Variants in ZNF79 observed in about 807,000 individuals in gnomAD.
The protein encoded by ZNF79 is zinc finger protein 79.
A neutral mutation model predicts 14.9 loss-of-function variants in ZNF79; 13 were observed. That is an observed-to-expected ratio of 0.87 (90% CI 0.57 to 1.38). The LOEUF (loss-of-function observed/expected upper bound fraction) is 1.38, where lower values mean the gene tolerates loss of function less well. Ranked by LOEUF, ZNF79 falls within the 40% of genes most tolerant of loss-of-function variation. The pLI is 0.00. For missense variants in ZNF79, 631 were observed against 630.6 expected, an observed-to-expected ratio of 1.00 and a Z score of -0.01; for synonymous variants, 223 against 235.1, an observed-to-expected ratio of 0.95 and a Z score of 0.47.
intron 2 of ZNF79, among the ~76,000 whole-genome samples, chr9:127,432,151 ATT>A (rs34862357): frequency 3.2e-4 from 43 of 133,938 alleles, no homozygotes; most frequent in Non-Finnish European, 3.4e-4. Context: ...TTATTTTTAA[ATT>A]TTTTTTTTTT....
chr9:127,438,868 T>G (rs1256501108), intron 4 of ZNF79, among the ~76,000 whole-genome samples: 4 of 152,176 alleles, frequency 2.6e-5, no homozygotes, highest in Admixed American at 6.5e-5. Context: ...CCTAGCACTT[T>G]GGGAGGCCGA....
rs370477709 is a variant in ZNF79 at position 127,439,924 on chromosome 9, G to A, written c.328+3921G>A. 1.4e-4 allele frequency among the ~76,000 whole-genome samples: 21 copies of A among 152,144 alleles called. No individual in the cohort carries two copies. In the South Asian group the frequency reaches 1.5e-3, roughly 11 times the overall value. On this transcript the variant is annotated intron_variant, in intron 4 of 4. Transcript: ENST00000342483. ...GTCTCCCAGGCTGGAGTGCAGTGGCGCGATCTCAGTTCACTGCAAGCTCCA... is the reference window on the plus strand; with the variant it reads ...GTCTCCCAGGCTGGAGTGCAGTGGCACGATCTCAGTTCACTGCAAGCTCCA...
intron 2 of ZNF79, among the ~76,000 whole-genome samples, chr9:127,429,755 AC>A (rs968506756): frequency 1.3e-5 from 2 of 151,968 alleles, no homozygotes; most frequent in African/African-American, 4.8e-5. Flanking sequence ...TCTTAATCCC[AC>A]AAAAAGATGG....
intron 4 of ZNF79, among the ~76,000 whole-genome samples, chr9:127,443,472 A>G (rs962996520): frequency 6.6e-6 from 1 of 152,186 alleles, no homozygotes; most frequent in Non-Finnish European, 1.5e-5. Context: ...ATTAAGTATT[A>G]TGTGCTGTAC....
chr9:127,425,741 C>G (rs1407587543), intron 1 of ZNF79, among the ~76,000 whole-genome samples: 1 of 152,082 alleles, frequency 6.6e-6, no homozygotes, highest in Non-Finnish European at 1.5e-5. Flanking sequence ...TACAGGTGCC[C>G]GACACCAAGT....
chr9:127,444,106 C>G lies in ZNF79; in HGVS notation c.406C>G (p.Pro136Ala). ...ATTCCAAGACCCATGTGTAGAGATG[C>G]CCCCTGGGGATTCAGACCACGGGAC... is the stretch of plus-strand genomic sequence containing the variant. ...ASFQDPCVEM[P>A]PGDSDHGTSD... Residue 136 changes from proline to alanine, a missense_variant, in exon 5 of 5, where the codon CCC becomes GCC. Transcript: ENST00000342483. The G allele has an allele frequency of 6.8e-6, 11 of 1,612,700 alleles. No individual in the cohort carries two copies. The highest frequency in any genetic ancestry group is 9.3e-6 in the Non-Finnish European group (11 of 1,179,932).
In ZNF79 at chr9:127,424,691, C is replaced by A; in HGVS notation, c.-97C>A. On this transcript the variant is annotated 5_prime_UTR_variant, in exon 1 of 5. Coordinates refer to ENST00000342483, the MANE Select transcript of ZNF79 (RefSeq NM_007135.3). ...GAGAGGAAGAGTCCGGCCTGGGAGC[C>A]GTCAGAGCAGCCCTGCAGAACGGGG... 2.5e-6 allele frequency: 4 copies of A among 1,579,980 alleles called. No individual in the cohort carries two copies. Among genetic ancestry groups the A allele is most frequent in the Non-Finnish European group, 3.5e-6 (4 of 1,155,922 alleles).
chr9:127,430,792 A>G (rs1415487746), intron 2 of ZNF79, among the ~76,000 whole-genome samples: 1 of 152,236 alleles, frequency 6.6e-6, no homozygotes, highest in Non-Finnish European at 1.5e-5. Context: ...GTATTTACAC[A>G]GTAATGGGAT....
intron 2 of ZNF79, 72 bp downstream of exon 2, chr9:127,428,992 T>C (rs1833812078): frequency 2.9e-6 from 3 of 1,045,326 alleles, no homozygotes; most frequent in Admixed American, 3.1e-5. Flanking sequence ...TTGCCTTGTT[T>C]TTTGTTGTCA....
At position 127,445,109 on chromosome 9, in the gene ZNF79, T is replaced by C. The variant is rs1428774788; in HGVS notation, c.1409T>C (p.Val470Ala). ...LSQHQRIHTGVKPYECSECGK... is the reference protein window; with the variant it reads ...LSQHQRIHTGAKPYECSECGK... ...CAGCATCAGAGAATCCACACAGGCG[T>C]GAAACCCTACGAATGCAGCGAGTGT... Residue 470 changes from valine to alanine, a missense_variant, in exon 5 of 5, where the codon GTG becomes GCG. Physicochemically the swap from Val to Ala is moderately conservative, Grantham distance 64. Coordinates refer to ENST00000342483, the MANE Select transcript of ZNF79 (RefSeq NM_007135.3). 1 of 1,562,180 alleles carries C rather than the reference T, an allele frequency of 6.4e-7. No individual in the cohort carries two copies. The highest frequency in any genetic ancestry group is 8.6e-7 in the Non-Finnish European group (1 of 1,156,854).
Position 127,444,409 on chromosome 9 carries a change from A to G in ZNF79, c.709A>G (p.Ile237Val). ...GKAFSQSSSL[I>V]QHQRIHTGEK... ...GGCCTTCAGCCAGAGCTCATCTCTC[A>G]TTCAGCACCAGAGGATTCACACTGG... The change falls in exon 5 of 5, where the codon ATT becomes GTT. Residue 237 changes from isoleucine to valine, a missense_variant. Coordinates refer to ENST00000342483, the MANE Select transcript of ZNF79 (RefSeq NM_007135.3). 1 of 1,612,452 alleles carries G rather than the reference A, an allele frequency of 6.2e-7. No homozygotes were observed. The highest frequency in any genetic ancestry group is 1.3e-5 in the African/African-American group (1 of 74,994).
At chr9:127,439,070 C>A (rs1341907632) in intron 4 of ZNF79, among the ~76,000 whole-genome samples, 1 of 151,786 alleles carries the variant, frequency 6.6e-6, no homozygotes, top group African/African-American at 2.4e-5. Context: ...CAAGATCGTG[C>A]CACTGCACTC....
chr9:127,424,956 C>A, intron 1 of ZNF79, 153 bp downstream of exon 1: 2 of 1,504,598 alleles, frequency 1.3e-6, no homozygotes, highest in South Asian at 2.5e-5. Flanking sequence ...ATGACACAGC[C>A]CCAGGAGATC....
At chr9:127,437,161 C>G (rs570372166) in intron 4 of ZNF79, among the ~76,000 whole-genome samples, 1 of 152,108 alleles carries the variant, frequency 6.6e-6, no homozygotes, top group Non-Finnish European at 1.5e-5. Context: ...GGCACAAGCC[C>G]CTGGAGCATT....
chr9:127,428,314 AT>A (rs919176077), intron 1 of ZNF79, among the ~76,000 whole-genome samples: 1 of 152,138 alleles, frequency 6.6e-6, no homozygotes. Flanking sequence ...TCTCTGATCT[AT>A]TTTGGGTTAA....
intron 4 of ZNF79, among the ~76,000 whole-genome samples, chr9:127,440,721 C>G (rs2131960341): frequency 6.6e-6 from 1 of 152,238 alleles, no homozygotes; most frequent in South Asian, 2.1e-4. Flanking sequence ...GGAGGCGGCT[C>G]TTGCAGACAT....
rs1834112593 is a variant in ZNF79 at position 127,444,360 on chromosome 9, CTA to C, written c.662_663del (p.Tyr221Ter). 1 of 1,613,148 alleles carries C rather than the reference CTA, an allele frequency of 6.2e-7. No individual in the cohort carries two copies. Among genetic ancestry groups the C allele is most frequent in the Non-Finnish European group, 8.5e-7 (1 of 1,179,302 alleles). ...AGAAGAGCCACACTGGAGAGAAGCC[CTA>C]TGAGTGCAGTGAATGTGGGAAGGCC... is the stretch of plus-strand genomic sequence containing the variant. ...HQKSHTGEKP[Y>X]ECSECGKAFS... is the part of the protein sequence containing the mutation. On this transcript the variant is annotated frameshift_variant, in exon 5 of 5. Coordinates refer to ENST00000342483, the MANE Select transcript of ZNF79 (RefSeq NM_007135.3). LOFTEE classifies it low-confidence loss of function (END_TRUNC).
intron 4 of ZNF79, among the ~76,000 whole-genome samples, chr9:127,439,195 ACACACACACAACG>A (rs1834005021): frequency 6.6e-6 from 1 of 151,884 alleles, no homozygotes; most frequent in African/African-American, 2.4e-5. Context: ...ACACACACAC[ACACACACACAACG>A]CGCACACACA....
At chr9:127,430,290 G>T (rs763722520) in intron 2 of ZNF79, among the ~76,000 whole-genome samples, 1 of 151,982 alleles carries the variant, frequency 6.6e-6, no homozygotes, top group Admixed American at 6.6e-5. Context: ...TTTAGATTCG[G>T]GGGTATGTGT....
Sources: allele counts gnomAD v4.1 joint callset (sites outside exome capture counted in the v4.1 genomes callset), GRCh38; gene constraint gnomAD v4.1.1; transcripts MANE v1.5; gene names NCBI Gene and HGNC (gene_info 2026-07-23, HGNC 2026-07-21).